The following SMYD3 variants were observed in gnomAD, a reference collection of about 807,000 sequenced individuals.
SMYD3 encodes histone-lysine N-methyltransferase SMYD3.
Under a neutral mutation model 57.7 loss-of-function variants are expected in SMYD3, and 36 were observed. The observed-to-expected ratio is 0.62, with a 90% CI of 0.48 to 0.82. The LOEUF (loss-of-function observed/expected upper bound fraction) is 0.82, where lower values mean the gene tolerates loss of function less well. Among genes scored for constraint, SMYD3 ranks in the 40% least tolerant of loss-of-function variants. SMYD3 has a pLI of 0.00. For missense variants in SMYD3, 515 were observed against 538.8 expected (o/e 0.96, Z 0.44); for synonymous variants, 211 against 195.0 (o/e 1.08, Z -0.68).
intron 10 of SMYD3, among the ~76,000 whole-genome samples, chr1:245,785,879 A>AT: frequency 6.6e-6 from 1 of 151,430 alleles, no homozygotes; most frequent in Admixed American, 6.6e-5. Flanking sequence ...TATTTTTTTT[A>AT]TTTTTTGTAG....
chr1:246,185,853 C>T (rs1207582864), intron 5 of SMYD3, among the ~76,000 whole-genome samples: 3 of 152,262 alleles, frequency 2.0e-5, no homozygotes, highest in East Asian at 1.9e-4. Context: ...AAAGAACTTA[C>T]ACAATTTTTA....
intron 5 of SMYD3, among the ~76,000 whole-genome samples, chr1:245,954,235 G>A (rs114221236): frequency 3.3e-5 from 5 of 152,162 alleles, no homozygotes; most frequent in Admixed American, 6.5e-5. Context: ...TCAGACAAGC[G>A]TTTTAAAGAT....
intron 5 of SMYD3, among the ~76,000 whole-genome samples, chr1:246,127,162 A>G (rs1572071723): frequency 1.3e-5 from 2 of 152,114 alleles, no homozygotes; most frequent in East Asian, 3.9e-4. Context: ...AATACAGATT[A>G]ATGCCATATA....
intron 1 of SMYD3, among the ~76,000 whole-genome samples, chr1:246,500,886 A>G (rs2068446481): frequency 6.6e-6 from 1 of 152,360 alleles, no homozygotes. Context: ...ACCTCGTTAC[A>G]GAAGAAAAGG....
At chr1:246,296,739 A>G (rs937609474) in intron 5 of SMYD3, among the ~76,000 whole-genome samples, 2 of 152,168 alleles carry the variant, frequency 1.3e-5, no homozygotes, top group Non-Finnish European at 2.9e-5. Flanking sequence ...AAAATCAGAC[A>G]TTTTAAATTC....
intron 8 of SMYD3, among the ~76,000 whole-genome samples, chr1:245,889,386 A>G (rs897639440): frequency 6.6e-6 from 1 of 152,122 alleles, no homozygotes; most frequent in Non-Finnish European, 1.5e-5. Context: ...GGAGGGGCCA[A>G]CTACATGTTT....
At chr1:246,352,049 ATTG>A (rs1290088202) in intron 2 of SMYD3, among the ~76,000 whole-genome samples, 8 of 146,986 alleles carry the variant, frequency 5.4e-5, no homozygotes, top group African/African-American at 7.4e-5. Context: ...AGGCCCAAGA[ATTG>A]CTTGAACCTG....
intron 10 of SMYD3, among the ~76,000 whole-genome samples, chr1:245,841,944 T>C (rs2050423032): frequency 6.6e-6 from 1 of 152,210 alleles, no homozygotes; most frequent in Non-Finnish European, 1.5e-5. Flanking sequence ...TATATAATTT[T>C]AAATTTTATG....
intron 1 of SMYD3, among the ~76,000 whole-genome samples, chr1:246,431,341 A>G (rs1434464079): frequency 6.6e-6 from 1 of 152,252 alleles, no homozygotes; most frequent in African/African-American, 2.4e-5. Context: ...TAAGAAAAAG[A>G]ACCCAATTAA....
chr1:245,857,581 G>C (rs949588976), intron 10 of SMYD3, among the ~76,000 whole-genome samples: 2 of 152,186 alleles, frequency 1.3e-5, no homozygotes, highest in Non-Finnish European at 2.9e-5. Flanking sequence ...ATCTGCCCAG[G>C]TTGGAGCCCC....
At chr1:245,816,688 C>T (rs558434794) in intron 10 of SMYD3, among the ~76,000 whole-genome samples, 38 of 152,140 alleles carry the variant, frequency 2.5e-4, no homozygotes, top group South Asian at 6.2e-4. Flanking sequence ...TCAGTGGGTG[C>T]GCGCACCGTG....
chr1:246,326,328 T>C (rs1389376117), intron 5 of SMYD3: 1 of 683,692 alleles, frequency 1.5e-6, no homozygotes, highest in Admixed American at 2.5e-5. Context: ...TCCATAGCAG[T>C]GAGGGGGTGT....
At chr1:246,362,508 C>T (rs1054723674) in intron 1 of SMYD3, among the ~76,000 whole-genome samples, 33 of 151,938 alleles carry the variant, frequency 2.2e-4, no homozygotes, top group South Asian at 4.2e-4. Flanking sequence ...CCTCTGATGC[C>T]GAGCCGAAGC....
intron 6 of SMYD3, among the ~76,000 whole-genome samples, chr1:245,928,355 C>T (rs80109059): frequency 0.026 from 3,994 of 152,176 alleles, 88 homozygotes; most frequent in South Asian, 0.062. Context: ...ACACGAAGGT[C>T]AGAAAGAAAC....
intron 8 of SMYD3, among the ~76,000 whole-genome samples, chr1:245,866,093 T>C (rs1450071805): frequency 2.6e-5 from 4 of 152,142 alleles, no homozygotes. Flanking sequence ...AACGACCCCA[T>C]GAGAACCACT....
chr1:246,145,676 A>C (rs2061831546), intron 5 of SMYD3, among the ~76,000 whole-genome samples: 1 of 152,230 alleles, frequency 6.6e-6, no homozygotes, highest in South Asian at 2.1e-4. Context: ...TAAGCCTCTT[A>C]AATTGACTTT....
At chr1:246,053,725 G>T (rs2060101564) in intron 5 of SMYD3, among the ~76,000 whole-genome samples, 1 of 151,972 alleles carries the variant, frequency 6.6e-6, no homozygotes. Context: ...TGAGACAAGA[G>T]GATCGCTTTA....
chr1:246,066,581 T>G (rs931368094), intron 5 of SMYD3, among the ~76,000 whole-genome samples: 4 of 152,212 alleles, frequency 2.6e-5, no homozygotes, highest in African/African-American at 9.7e-5. Context: ...ACAGTGCTGT[T>G]TAAGCTGCTC....
intron 5 of SMYD3, among the ~76,000 whole-genome samples, chr1:245,966,773 G>C (rs377642252): frequency 6.6e-6 from 1 of 152,124 alleles, no homozygotes; most frequent in Non-Finnish European, 1.5e-5. Context: ...TCCAGAAACC[G>C]TCACTCTGAA....
Sources: gnomAD v4.1 joint callset for allele counts (sites outside exome capture counted in the v4.1 genomes callset) on GRCh38, gnomAD v4.1.1 for gene constraint, MANE v1.5 for transcripts, NCBI Gene and HGNC (gene_info 2026-07-23, HGNC 2026-07-21) for gene names.